Variants in SLC39A11 observed in about 807,000 individuals in gnomAD.
The protein encoded by SLC39A11 is solute carrier family 39 member 11.
A neutral mutation model predicts 36.1 loss-of-function variants in SLC39A11; 33 were observed. That is an observed-to-expected ratio of 0.91 (90% CI 0.69 to 1.22). SLC39A11 has a LOEUF of 1.22. SLC39A11 is among the 50% of genes most tolerant of loss of function. SLC39A11 has a pLI of 0.00. For missense variants in SLC39A11, 432 were observed against 430.3 expected (o/e 1.00, Z -0.03); for synonymous variants, 166 against 170.3 (o/e 0.97, Z 0.20).
intron 1 of SLC39A11, 28 bp from the exon 2 acceptor site, chr17:73,088,803 C>T (rs1294439138): frequency 6.6e-7 from 1 of 1,516,646 alleles, no homozygotes; most frequent in Non-Finnish European, 9.0e-7. Flanking sequence ...GAGGGTCAGC[C>T]ACCGGTGGTC....
At chr17:72,838,385 C>T (rs935783517) in intron 6 of SLC39A11, among the ~76,000 whole-genome samples, 7 of 151,974 alleles carry the variant, frequency 4.6e-5, no homozygotes, top group African/African-American at 1.7e-4. Context: ...TGCACCACCA[C>T]ACCTGGCTAG....
chr17:72,985,162 A>G (rs1488959931), intron 4 of SLC39A11, among the ~76,000 whole-genome samples: 1 of 152,208 alleles, frequency 6.6e-6, no homozygotes, highest in Non-Finnish European at 1.5e-5. Flanking sequence ...GGTACAAGGC[A>G]ATGATCTGCT....
At chr17:72,896,759 A>G (rs1289420613) in intron 5 of SLC39A11, among the ~76,000 whole-genome samples, 1 of 151,984 alleles carries the variant, frequency 6.6e-6, no homozygotes, top group East Asian at 1.9e-4. Context: ...CGCTTAAGAA[A>G]AGTCCTCACA....
chr17:73,084,488 G>C (rs897741852), intron 3 of SLC39A11, among the ~76,000 whole-genome samples: 1 of 150,104 alleles, frequency 6.7e-6, no homozygotes, highest in Non-Finnish European at 1.5e-5. Flanking sequence ...ATCTTTTAAG[G>C]GAGAAGGGGA....
At chr17:72,938,839 C>T (rs1371435138) in intron 5 of SLC39A11, among the ~76,000 whole-genome samples, 1 of 152,134 alleles carries the variant, frequency 6.6e-6, no homozygotes, top group Non-Finnish European at 1.5e-5. Flanking sequence ...ATAGAACCTG[C>T]TAACCAAGCA....
intron 5 of SLC39A11, among the ~76,000 whole-genome samples, chr17:72,858,113 T>C (rs114101924): frequency 0.036 from 5,480 of 152,306 alleles, 300 homozygotes; most frequent in African/African-American, 0.12. Flanking sequence ...TTTTGGGTTT[T>C]AGACTTAAGT....
At chr17:72,857,371 T>A (rs991524408) in intron 5 of SLC39A11, among the ~76,000 whole-genome samples, 2 of 152,238 alleles carry the variant, frequency 1.3e-5, no homozygotes, top group Non-Finnish European at 1.5e-5. Flanking sequence ...ATTTTCTTTA[T>A]CCAACCTGTC....
chr17:73,031,792 T>C, intron 3 of SLC39A11, 78 bp from the exon 4 acceptor site: 1 of 1,429,424 alleles, frequency 7.0e-7, no homozygotes, highest in Non-Finnish European at 9.6e-7. Flanking sequence ...TTGCTCTCTG[T>C]GGCCCAGATT....
chr17:72,917,528 T>C (rs543984853), intron 5 of SLC39A11, among the ~76,000 whole-genome samples: 1 of 152,186 alleles, frequency 6.6e-6, no homozygotes, highest in East Asian at 1.9e-4. Context: ...AGGGGAGATA[T>C]ACACAGCCAG....
rs112865354 is a variant in SLC39A11, at chr17:72,797,850, T to C, written c.601+51784A>G. On this transcript the variant is annotated intron_variant, in intron 6 of 9. Coordinates refer to ENST00000255559, the MANE Select transcript of SLC39A11 (RefSeq NM_139177.4). ...GGGGATGCTTCGTGCTGGGGGGCAC[T>C]GACCCATGAGGCTGAAGGGGAAGTC... Among the ~76,000 whole-genome samples, 1,087 of 152,290 alleles carry C rather than the reference T, an allele frequency of 7.1e-3. 11 individuals are homozygous for C. The highest frequency in any genetic ancestry group is 0.014 in the Admixed American group (214 of 15,298).
rs573614277 is a variant in SLC39A11 at position 73,018,972 on chromosome 17, GA to G, written c.306+12583del. On this transcript the variant is annotated intron_variant, in intron 4 of 9. Transcript: ENST00000255559. ...AGAAAAAGTCACATTACATATAGGA[GA>G]ACAATGCTGACTTCTCATCAGAAAC... 2.2e-3 allele frequency among the ~76,000 whole-genome samples: 342 copies of G among 152,250 alleles called. 2 individuals are homozygous for G. Among genetic ancestry groups the G allele is most frequent in the African/African-American group, 7.8e-3 (323 of 41,558 alleles).
intron 5 of SLC39A11, among the ~76,000 whole-genome samples, chr17:72,904,926 C>A (rs1376861254): frequency 6.6e-6 from 1 of 152,034 alleles, no homozygotes; most frequent in Non-Finnish European, 1.5e-5. Context: ...GTAATCCCAG[C>A]ACTTTGGGAG....
chr17:72,831,656 C>A lies in SLC39A11; in HGVS notation c.601+17978G>T, dbSNP rs71380137. ...TTGCTATCGTAAAAATGCAATTTCC[C>A]AACTTTATTTCATCCATGAGCTTTG... On this transcript the variant is annotated intron_variant, in intron 6 of 9. Coordinates refer to ENST00000255559, the MANE Select transcript of SLC39A11 (RefSeq NM_139177.4). Among the ~76,000 whole-genome samples the A allele has an allele frequency of 7.8e-3, 1,195 of 152,296 alleles. 4 individuals carry two copies. Among genetic ancestry groups the A allele is most frequent in the Middle Eastern group, 0.037 (11 of 294 alleles).
chr17:73,046,895 CTCA>C (rs2059312413), intron 3 of SLC39A11, among the ~76,000 whole-genome samples: 1 of 152,106 alleles, frequency 6.6e-6, no homozygotes, highest in South Asian at 2.1e-4. Context: ...GAGCTGTAAT[CTCA>C]TCACTGCACT....
At chr17:73,003,906 T>C (rs2089975366) in intron 4 of SLC39A11, among the ~76,000 whole-genome samples, 1 of 151,828 alleles carries the variant, frequency 6.6e-6, no homozygotes. Context: ...GCCAACATGG[T>C]GAAACCCCGT....
Position 72,909,777 on chromosome 17 carries a change from G to A in SLC39A11, c.430+37975C>T, listed in dbSNP as rs545371266. Among the ~76,000 whole-genome samples the A allele has an allele frequency of 1.1e-4, 15 of 142,836 alleles. No individual in the cohort carries two copies. In the South Asian group the frequency reaches 2.8e-3, roughly 27 times the overall value. 93.7% of individuals were successfully genotyped at this position (142,836 alleles called of 152,430 possible). A position where few individuals can be genotyped will look rare whatever the true frequency, so the allele number is the denominator to read the frequency against. On this transcript the variant is annotated intron_variant, in intron 5 of 9. Transcript: ENST00000255559. ...TTTTTTTTTTTTGAGACGGAGTCTC[G>A]CTCTGTTGCCCAGGCTGGAGTGCAG...
At chr17:72,840,861 C>G (rs1213920343) in intron 6 of SLC39A11, among the ~76,000 whole-genome samples, 1 of 151,940 alleles carries the variant, frequency 6.6e-6, no homozygotes, top group Non-Finnish European at 1.5e-5. Flanking sequence ...CAGGACCATC[C>G]TGGCTAACAC....
chr17:72,806,180 TC>T (rs2077250897), intron 6 of SLC39A11, among the ~76,000 whole-genome samples: 1 of 152,162 alleles, frequency 6.6e-6, no homozygotes, highest in African/African-American at 2.4e-5. Context: ...CTTGTTATCT[TC>T]TTTCTTGGTT....
At chr17:72,906,869 T>C (rs1012597451) in intron 5 of SLC39A11, among the ~76,000 whole-genome samples, 5 of 152,216 alleles carry the variant, frequency 3.3e-5, no homozygotes, top group African/African-American at 9.6e-5. Flanking sequence ...TACGAGAACA[T>C]GGAGACCACC....
Sources: gnomAD v4.1 joint callset for allele counts (sites outside exome capture counted in the v4.1 genomes callset) on GRCh38, gnomAD v4.1.1 for gene constraint, MANE v1.5 for transcripts, NCBI Gene and HGNC (gene_info 2026-07-23, HGNC 2026-07-21) for gene names.